STAG1: variants seen among roughly 807,000 people sequenced by gnomAD.
The protein encoded by STAG1 is cohesin subunit SA-1.
In STAG1, 26 loss-of-function variants were observed where a neutral mutation model predicts 170.9. The observed-to-expected ratio is 0.15, with a 90% CI of 0.11 to 0.21. STAG1 has a LOEUF of 0.21. Ranked by LOEUF, STAG1 falls within the 10% of genes least tolerant of loss-of-function variation. The probability of loss-of-function intolerance (pLI) is 1.00; values close to 1 mark genes in which losing one functional copy is unlikely to be tolerated. For missense variants in STAG1, 964 were observed against 1,509.5 expected, an observed-to-expected ratio of 0.64 and a Z score of 5.99; for synonymous variants, 514 against 497.7, an observed-to-expected ratio of 1.03 and a Z score of -0.44.
intron 9 of STAG1, among the ~76,000 whole-genome samples, chr3:136,484,337 G>T (rs370649999): frequency 2.0e-5 from 3 of 148,958 alleles, no homozygotes; most frequent in East Asian, 4.0e-4. Flanking sequence ...ATACCCTGCC[G>T]TGTGAGGTGT....
At chr3:136,580,186 C>T (rs1305327202) in intron 4 of STAG1, among the ~76,000 whole-genome samples, 1 of 151,888 alleles carries the variant, frequency 6.6e-6, no homozygotes, top group Non-Finnish European at 1.5e-5. Flanking sequence ...CCAGGATGGT[C>T]TTGATCTCTT....
intron 1 of STAG1, among the ~76,000 whole-genome samples, chr3:136,701,233 AT>A (rs1943050530): frequency 6.6e-6 from 1 of 152,128 alleles, no homozygotes; most frequent in Middle Eastern, 3.2e-3. Context: ...GATTTAGTGC[AT>A]CTTCAGAAAA....
At chr3:136,748,086 A>G (rs941328992) in intron 1 of STAG1, among the ~76,000 whole-genome samples, 2 of 146,850 alleles carry the variant, frequency 1.4e-5, no homozygotes, top group African/African-American at 4.9e-5. Flanking sequence ...AGAATTATGT[A>G]ATTTTTAAAA....
In STAG1 at chr3:136,478,272, C is replaced by T. The variant is rs1194160886; in HGVS notation, c.903-860G>A. Among the ~76,000 whole-genome samples the T allele has an allele frequency of 3.3e-5, 5 of 152,094 alleles. No individual in the cohort carries two copies. The East Asian group carries it at 9.6e-4, about 29-fold the overall frequency. On this transcript the variant is annotated intron_variant, in intron 9 of 33. Transcript: ENST00000383202. ...TACTGCGAAGTCATGGCAGAACAAC[C>T]CGAAAAGTCAGAATTCTGGCTCATT...
intron 22 of STAG1, among the ~76,000 whole-genome samples, chr3:136,378,214 A>G (rs1937715226): frequency 6.6e-6 from 1 of 152,232 alleles, no homozygotes; most frequent in Non-Finnish European, 1.5e-5. Flanking sequence ...GCCCTCAAAT[A>G]GTTAACATTC....
At chr3:136,675,935 C>T (rs1257365883) in intron 1 of STAG1, among the ~76,000 whole-genome samples, 1 of 152,200 alleles carries the variant, frequency 6.6e-6, no homozygotes, top group Non-Finnish European at 1.5e-5. Flanking sequence ...AATGTGCAAA[C>T]ATTGTAGAAT....
At chr3:136,672,550 A>C (rs1159318635) in intron 1 of STAG1, among the ~76,000 whole-genome samples, 2 of 152,210 alleles carry the variant, frequency 1.3e-5, no homozygotes, top group Admixed American at 6.5e-5. Flanking sequence ...TTTAGCACTC[A>C]CACATTTCCA....
At chr3:136,629,681 C>A (rs1940249954) in intron 2 of STAG1, among the ~76,000 whole-genome samples, 1 of 151,852 alleles carries the variant, frequency 6.6e-6, no homozygotes, top group Admixed American at 6.6e-5. Context: ...AAAAGAAGGC[C>A]AAGAGATCAA....
At chr3:136,504,523 A>G (rs1371205764) in intron 7 of STAG1, among the ~76,000 whole-genome samples, 8 of 152,188 alleles carry the variant, frequency 5.3e-5, no homozygotes, top group Non-Finnish European at 1.5e-5. Context: ...GAAAGTTTAA[A>G]ATAATTTGTA....
intron 1 of STAG1, among the ~76,000 whole-genome samples, chr3:136,670,534 G>A (rs1454892180): frequency 2.0e-5 from 3 of 152,182 alleles, no homozygotes; most frequent in African/African-American, 7.2e-5. Flanking sequence ...AGGCTGGAGT[G>A]CAGTGGCACA....
chr3:136,567,589 T>A (rs1162818715), intron 5 of STAG1, among the ~76,000 whole-genome samples: 2 of 152,206 alleles, frequency 1.3e-5, no homozygotes, highest in African/African-American at 2.4e-5. Context: ...TGCATCAGCA[T>A]CCCTTGCTTT....
chr3:136,443,481 A>G, intron 14 of STAG1, 77 bp from the exon 15 acceptor site: 1 of 1,001,664 alleles, frequency 1.0e-6, no homozygotes, highest in Non-Finnish European at 1.5e-6. Flanking sequence ...TTAAGAAATC[A>G]TTTTCTTCAT....
intron 5 of STAG1, 33 bp downstream of exon 5, chr3:136,568,732 T>C (rs1937165225): frequency 1.3e-6 from 2 of 1,499,514 alleles, no homozygotes; most frequent in Non-Finnish European, 1.9e-6. Flanking sequence ...ACTGACAGGC[T>C]CAATGTACAT....
intron 2 of STAG1, 60 bp from the exon 3 acceptor site, chr3:136,623,308 A>G: frequency 6.7e-7 from 1 of 1,491,308 alleles, no homozygotes; most frequent in South Asian, 1.2e-5. Context: ...TTTCTGTTTC[A>G]CTACTTTCCT....
chr3:136,740,443 T>C (rs1276882358), intron 1 of STAG1, among the ~76,000 whole-genome samples: 1 of 152,130 alleles, frequency 6.6e-6, no homozygotes, highest in Non-Finnish European at 1.5e-5. Flanking sequence ...TATTGTAAAA[T>C]GTTTATTGGC....
At position 136,423,741 on chromosome 3, in the gene STAG1, TG is replaced by T. The variant is rs2088026963; in HGVS notation, c.1651-698del. Among the ~76,000 whole-genome samples the T allele has an allele frequency of 3.9e-5, 6 of 152,214 alleles. No individual in the cohort carries two copies. The South Asian group carries it at 1.2e-3, about 31-fold the overall frequency. ...AGGGATTTGCCATCATAATGTCAAA[TG>T]GTTTTACGGAACAGAAACATTCCAA... On this transcript the variant is annotated intron_variant, in intron 16 of 33. Transcript: ENST00000383202.
intron 5 of STAG1, among the ~76,000 whole-genome samples, chr3:136,551,420 TCTGG>T (rs1936395555): frequency 8.7e-6 from 1 of 114,748 alleles, no homozygotes; most frequent in African/African-American, 3.5e-5. Context: ...CATCAATACA[TCTGG>T]CTAATTTTTT....
chr3:136,551,248 AGAGAGAGAGAGAGG>A (rs1254749571), intron 5 of STAG1, among the ~76,000 whole-genome samples: 228 of 145,720 alleles, frequency 1.6e-3, no homozygotes, highest in Non-Finnish European at 2.1e-3. Flanking sequence ...AGAGAGAGAG[AGAGAGAGAGAGAGG>A]GAGAGCGAGA....
intron 5 of STAG1, among the ~76,000 whole-genome samples, chr3:136,548,750 T>A (rs1936263701): frequency 6.6e-6 from 1 of 152,200 alleles, no homozygotes; most frequent in South Asian, 2.1e-4. Context: ...ATGGTTTGGG[T>A]CTGTGTCCCC....
Sources: gnomAD v4.1 joint callset for allele counts (sites outside exome capture counted in the v4.1 genomes callset) on GRCh38, gnomAD v4.1.1 for gene constraint, MANE v1.5 for transcripts, NCBI Gene and HGNC (gene_info 2026-07-23, HGNC 2026-07-21) for gene names.